The following GNB1L variants were observed in gnomAD, a reference collection of about 807,000 sequenced individuals.
GNB1L encodes the protein guanine nucleotide-binding protein subunit beta-like protein 1.
In GNB1L, 20 loss-of-function variants were observed where a neutral mutation model predicts 29.1. That is an observed-to-expected ratio of 0.69 (90% CI 0.48 to 1.00). The LOEUF (loss-of-function observed/expected upper bound fraction) is 1.00, where lower values mean the gene tolerates loss of function less well. GNB1L is among the 50% of genes least tolerant of loss of function. GNB1L has a pLI of 0.00. For synonymous variants in GNB1L, 193 were observed against 206.5 expected, an observed-to-expected ratio of 0.93 and a Z score of 0.56; for missense variants, 421 against 464.9, an observed-to-expected ratio of 0.91 and a Z score of 0.87.
chr22:19,852,090 C>G, intron 2 of GNB1L: 3 of 1,614,254 alleles, frequency 1.9e-6, no homozygotes, highest in Non-Finnish European at 2.5e-6. Context: ...GTCGTTCGCA[C>G]ACACACGGTG....
Position 19,802,219 on chromosome 22 carries a change from G to T in GNB1L, c.517-3C>A. 1.2e-6 allele frequency: 2 copies of T among 1,611,462 alleles called. No individual in the cohort carries two copies. Among genetic ancestry groups the T allele is most frequent in the South Asian group, 1.1e-5 (1 of 91,080 alleles). On this transcript the variant is annotated splice_region_variant and splice_polypyrimidine_tract_variant and intron_variant, in intron 6 of 7. Coordinates refer to ENST00000329517, the MANE Select transcript of GNB1L (RefSeq NM_053004.3). ...AGTGGGCGGGAGCTGCAGTCGGCCT[G>T]CGGGGAACAGCAGAGCAGTCAGCTC...
At chr22:19,827,261 C>A (rs575399692) in intron 2 of GNB1L, among the ~76,000 whole-genome samples, 2 of 151,980 alleles carry the variant, frequency 1.3e-5, no homozygotes, top group East Asian at 1.9e-4. Flanking sequence ...TCAAATGTTT[C>A]AAAAAAAATT....
At chr22:19,848,405 C>T in intron 2 of GNB1L, 2 of 985,490 alleles carry the variant, frequency 2.0e-6, no homozygotes, top group Non-Finnish European at 2.4e-6. Context: ...TGCCTCCTTC[C>T]CCCAGCAGGA....
intron 5 of GNB1L, among the ~76,000 whole-genome samples, chr22:19,811,081 G>A (rs1005350317): frequency 1.2e-4 from 18 of 152,346 alleles, no homozygotes; most frequent in Admixed American, 2.0e-4. Context: ...GAGGAAGCAC[G>A]CCCCTCTTTC....
At chr22:19,826,011 A>T (rs1249183060) in intron 2 of GNB1L, among the ~76,000 whole-genome samples, 1 of 152,230 alleles carries the variant, frequency 6.6e-6, no homozygotes, top group Non-Finnish European at 1.5e-5. Context: ...AAGTTGACAA[A>T]AAAAAGTCTG....
At chr22:19,791,857 G>C (rs946438147) in intron 7 of GNB1L, among the ~76,000 whole-genome samples, 2 of 152,296 alleles carry the variant, frequency 1.3e-5, no homozygotes, top group East Asian at 3.9e-4. Context: ...AGATCTACCA[G>C]AACAAAACTA....
At chr22:19,827,349 G>A (rs1208640226) in intron 2 of GNB1L, among the ~76,000 whole-genome samples, 1 of 152,154 alleles carries the variant, frequency 6.6e-6, no homozygotes, top group Admixed American at 6.5e-5. Context: ...GCTAACAACT[G>A]GTGACCACAG....
intron 7 of GNB1L, among the ~76,000 whole-genome samples, chr22:19,796,857 C>T (rs1937312014): frequency 6.6e-6 from 1 of 152,102 alleles, no homozygotes; most frequent in Non-Finnish European, 1.5e-5. Flanking sequence ...GAGAGCATGG[C>T]AAGGACAGAA....
At position 19,800,408 on chromosome 22, in the gene GNB1L, C is replaced by A. The variant is rs922340047; in HGVS notation, c.732+1593G>T. Reference sequence around the variant, plus strand: ...AGGCTGGTGAAGGACAAGCCAGTGCCAAGTGAACACTGGACCCCATGGGGG... The same window carrying A: ...AGGCTGGTGAAGGACAAGCCAGTGCAAAGTGAACACTGGACCCCATGGGGG... On this transcript the variant is annotated intron_variant, in intron 7 of 7. Coordinates refer to ENST00000329517, the MANE Select transcript of GNB1L (RefSeq NM_053004.3). Among the ~76,000 whole-genome samples the A allele has an allele frequency of 6.6e-5, 10 of 152,192 alleles. 1 individual carries two copies. The highest frequency in any genetic ancestry group is 6.5e-4 in the Admixed American group (10 of 15,286).
intron 2 of GNB1L, among the ~76,000 whole-genome samples, chr22:19,852,650 T>C (rs1938136743): frequency 6.6e-6 from 1 of 152,162 alleles, no homozygotes; most frequent in Admixed American, 6.5e-5. Context: ...GGTGGGCAAA[T>C]GCTGCCTATG....
At chr22:19,847,803 G>GAAAATAAAAAAAAAAAAAAAAAAAAA (rs1468350618) in intron 2 of GNB1L, 1 of 437,876 alleles carries the variant, frequency 2.3e-6, no homozygotes, top group African/African-American at 4.5e-5. Context: ...GGAATCATAG[G>GAAAATAAAAAAAAAAAAAAAAAAAAA]CAAAAAAAAA....
rs1208534838 is a variant in GNB1L at position 19,812,334 on chromosome 22, C to T, written c.368G>A (p.Gly123Glu). The T allele has an allele frequency of 1.2e-6, 2 of 1,613,076 alleles. No homozygotes were observed. Among genetic ancestry groups the T allele is most frequent in the South Asian group, 1.1e-5 (1 of 91,074 alleles). Residue 123 changes from glycine to glutamate, a missense_variant, in exon 5 of 8, where the codon GGG becomes GAG. Transcript: ENST00000329517. ...GGCAAGCGTCCAGCGTGGCTGGCCC[C>T]CGGCCAGGATGCTGCTCCGGCAGAA... is the stretch of plus-strand genomic sequence containing the variant. ...VGFCRSSILA[G>E]GQPRWTLAVP...
intron 7 of GNB1L, among the ~76,000 whole-genome samples, chr22:19,789,322 G>A (rs1044701889): frequency 4.6e-5 from 7 of 152,234 alleles, no homozygotes; most frequent in African/African-American, 9.6e-5. Context: ...GAGAGGCCAC[G>A]TCCCGGGCTT....
intron 2 of GNB1L, among the ~76,000 whole-genome samples, chr22:19,839,018 G>A (rs1011202534): frequency 2.0e-5 from 3 of 152,180 alleles, no homozygotes; most frequent in Non-Finnish European, 4.4e-5. Context: ...ATGCAACAAC[G>A]TGGGTGAATC....
At chr22:19,852,833 A>C (rs1938141392) in intron 2 of GNB1L, among the ~76,000 whole-genome samples, 1 of 152,140 alleles carries the variant, frequency 6.6e-6, no homozygotes, top group South Asian at 2.1e-4. Flanking sequence ...TGAGGCACAC[A>C]GTGGTGAAGT....
intron 2 of GNB1L, chr22:19,846,851 G>A: frequency 1.1e-6 from 1 of 886,858 alleles, no homozygotes; most frequent in Non-Finnish European, 1.4e-6. Context: ...CCAGAATCAT[G>A]AGGAAATGTC....
At position 19,800,955 on chromosome 22, in the gene GNB1L, C is replaced by T. The variant is rs563621333; in HGVS notation, c.732+1046G>A. Among the ~76,000 whole-genome samples, 10 of 152,344 alleles carry T rather than the reference C, an allele frequency of 6.6e-5. No homozygotes were observed. In the East Asian group the frequency reaches 1.7e-3, roughly 26 times the overall value. ...CCCACAGGGGCCAGGGCTGGGCAAG[C>T]GTGAGGCGCAGCAGGCTTGCTGGGG... On this transcript the variant is annotated intron_variant, in intron 7 of 7. Coordinates refer to ENST00000329517, the MANE Select transcript of GNB1L (RefSeq NM_053004.3).
chr22:19,829,804 A>G (rs946073044), intron 2 of GNB1L, among the ~76,000 whole-genome samples: 1 of 152,144 alleles, frequency 6.6e-6, no homozygotes, highest in Non-Finnish European at 1.5e-5. Context: ...TTTTTATTAA[A>G]ATACGTAAAC....
At position 19,785,614 on chromosome 22, in the gene GNB1L, A is replaced by G. The variant is rs1937185806; in HGVS notation, c.*3095T>C. On this transcript the variant is annotated 3_prime_UTR_variant, in exon 8 of 8. Coordinates refer to ENST00000329517, the MANE Select transcript of GNB1L (RefSeq NM_053004.3). The surrounding 1 kb of genome is among the most constrained non-coding windows in gnomAD (Gnocchi z 4.1). ...GTGGGTTGGCCAGGGGCGTGATGGCAGCGACCAGCCATGCTGCCAGGAGTC... is the reference window on the plus strand; with the variant it reads ...GTGGGTTGGCCAGGGGCGTGATGGCGGCGACCAGCCATGCTGCCAGGAGTC... 6.6e-6 allele frequency: 1 copy of G among 152,194 alleles called. No individual in the cohort carries two copies. Among genetic ancestry groups the G allele is most frequent in the Non-Finnish European group, 1.5e-5 (1 of 68,052 alleles). The allele number at this position is 152,194 out of a possible 1,614,324, so 9.4% of individuals were successfully genotyped here.
Sources: gnomAD v4.1 joint callset for allele counts (sites outside exome capture counted in the v4.1 genomes callset) on GRCh38, gnomAD v4.1.1 for gene constraint, Gnocchi (gnomAD v3.1) non-coding constraint, MANE v1.5 for transcripts, NCBI Gene and HGNC (gene_info 2026-07-23, HGNC 2026-07-21) for gene names.